Variants in PLCL2 observed in about 807,000 individuals in gnomAD.
The protein encoded by PLCL2 is phospholipase C like 2, also known as inactive phospholipase C-like protein 2.
A neutral mutation model predicts 79.6 loss-of-function variants in PLCL2; 4 were observed. The ratio of observed to expected loss-of-function variants is 0.05; its 90% CI spans 0.02 to 0.11. The LOEUF (loss-of-function observed/expected upper bound fraction) is 0.11, where lower values mean the gene tolerates loss of function less well. PLCL2 is among the 10% of genes least tolerant of loss of function. The pLI is 1.00. For missense variants in PLCL2, 895 were observed against 1,291.0 expected (o/e 0.69, Z 4.70); for synonymous variants, 484 against 457.7 (o/e 1.06, Z -0.73).
chr3:17,008,157 A>G (rs996663806), intron 1 of PLCL2, among the ~76,000 whole-genome samples: 4 of 151,980 alleles, frequency 2.6e-5, no homozygotes, highest in Admixed American at 2.0e-4. Context: ...TTAATAATCT[A>G]TTAATATTAA....
intron 1 of PLCL2, among the ~76,000 whole-genome samples, chr3:16,954,182 C>G (rs1031707797): frequency 1.3e-5 from 2 of 152,156 alleles, no homozygotes; most frequent in Admixed American, 6.5e-5. Flanking sequence ...CCCGCTCCCC[C>G]CAGCCCACAA....
At chr3:17,030,297 G>A (rs2064566930) in intron 3 of PLCL2, among the ~76,000 whole-genome samples, 2 of 152,102 alleles carry the variant, frequency 1.3e-5, no homozygotes, top group South Asian at 4.1e-4. Context: ...CTATGTACCT[G>A]TAAATAGCCT....
intron 1 of PLCL2, among the ~76,000 whole-genome samples, chr3:16,906,869 T>G (rs893993040): frequency 8.5e-5 from 13 of 152,232 alleles, no homozygotes; most frequent in African/African-American, 3.1e-4. Context: ...AACTGTTTGT[T>G]TACTCTGTGC....
intron 1 of PLCL2, among the ~76,000 whole-genome samples, chr3:16,934,157 T>C (rs748111524): frequency 6.6e-6 from 1 of 152,112 alleles, no homozygotes; most frequent in Non-Finnish European, 1.5e-5. Context: ...TCTGAAAAGG[T>C]CATGCAATGA....
At chr3:16,888,474 T>G (rs1696274375) in intron 1 of PLCL2, among the ~76,000 whole-genome samples, 1 of 152,208 alleles carries the variant, frequency 6.6e-6, no homozygotes, top group South Asian at 2.1e-4. Context: ...TACTTTTCCT[T>G]AGCTTATTGA....
intron 1 of PLCL2, among the ~76,000 whole-genome samples, chr3:16,944,483 G>T (rs2063582596): frequency 6.6e-6 from 1 of 152,114 alleles, no homozygotes; most frequent in Non-Finnish European, 1.5e-5. Context: ...CTTAGAGATA[G>T]GGCCTTTAAA....
At chr3:17,006,657 G>T (rs1455849364) in intron 1 of PLCL2, among the ~76,000 whole-genome samples, 1 of 152,198 alleles carries the variant, frequency 6.6e-6, no homozygotes, top group East Asian at 1.9e-4. Context: ...GCTAAGGGGT[G>T]TCCTTGATGT....
intron 4 of PLCL2, among the ~76,000 whole-genome samples, chr3:17,055,357 C>T (rs1356527386): frequency 6.6e-6 from 1 of 152,132 alleles, no homozygotes; most frequent in Non-Finnish European, 1.5e-5. Context: ...TTTTAATTCC[C>T]TCACTAAGGA....
At chr3:16,942,848 C>T (rs1185728268) in intron 1 of PLCL2, among the ~76,000 whole-genome samples, 1 of 152,150 alleles carries the variant, frequency 6.6e-6, no homozygotes, top group African/African-American at 2.4e-5. Context: ...CCACTTAATA[C>T]AGGAAACAAG....
Position 16,885,078 on chromosome 3 carries a change from C to G in PLCL2, c.39C>G (p.Ala13=), listed in dbSNP as rs1360199760. 2 of 399,498 alleles carry G rather than the reference C, an allele frequency of 5.0e-6. No individual in the cohort carries two copies. The highest frequency in any genetic ancestry group is 8.8e-6 in the Non-Finnish European group (2 of 226,402). 24.7% of individuals were successfully genotyped at this position (399,498 alleles called of 1,614,324 possible). A position where few individuals can be genotyped will look rare whatever the true frequency, so the allele number is the denominator to read the frequency against. Residue 13 remains alanine (A), a synonymous_variant, in exon 1 of 6, where the codon GCC becomes GCG. Coordinates refer to ENST00000615277, the MANE Select transcript of PLCL2 (RefSeq NM_001144382.2). The part of the protein sequence containing the change: ...ECGRGGAAGG[A]LPTSPGPALG... The stretch of plus-strand genomic sequence containing the variant: ...GCCGGGGGGGCGCCGCCGGCGGGGC[C>G]CTGCCCACCTCCCCGGGCCCGGCCC...
chr3:16,901,980 C>T (rs1696629953), intron 1 of PLCL2, among the ~76,000 whole-genome samples: 2 of 152,180 alleles, frequency 1.3e-5, no homozygotes, highest in African/African-American at 2.4e-5. Flanking sequence ...TGTTCCATAG[C>T]CATAGCTGCA....
intron 1 of PLCL2, among the ~76,000 whole-genome samples, chr3:16,914,614 A>T (rs1267071966): frequency 6.6e-6 from 1 of 151,876 alleles, no homozygotes; most frequent in African/African-American, 2.4e-5. Context: ...TTTGGTTTTC[A>T]TGAAGTTAAA....
At position 16,942,258 on chromosome 3, in the gene PLCL2, A is replaced by C. The variant is rs969188056; in HGVS notation, c.327+56892A>C. The stretch of plus-strand genomic sequence containing the variant: ...CCTTGTTCTCTTTTGTCAAATGTGT[A>C]TGTGCAGATTCTGCAATTACATAGG... On this transcript the variant is annotated intron_variant, in intron 1 of 5. Transcript: ENST00000615277. Among the ~76,000 whole-genome samples the C allele has an allele frequency of 2.0e-5, 3 of 152,192 alleles. No individual in the cohort carries two copies. The South Asian group carries it at 6.2e-4, about 31-fold the overall frequency.
intron 1 of PLCL2, among the ~76,000 whole-genome samples, chr3:16,935,326 G>A (rs539328567): frequency 6.6e-6 from 1 of 151,874 alleles, no homozygotes; most frequent in Non-Finnish European, 1.5e-5. Context: ...ATTTGTTGCA[G>A]GATTTCTCTC....
At chr3:16,972,126 G>A (rs2063875856) in intron 1 of PLCL2, among the ~76,000 whole-genome samples, 1 of 152,082 alleles carries the variant, frequency 6.6e-6, no homozygotes, top group Non-Finnish European at 1.5e-5. Flanking sequence ...GCACAAGACA[G>A]GGATGCCCCC....
intron 5 of PLCL2, among the ~76,000 whole-genome samples, chr3:17,085,906 G>T (rs2065215287): frequency 6.6e-6 from 1 of 152,156 alleles, no homozygotes; most frequent in African/African-American, 2.4e-5. Context: ...CTGGTGAAAG[G>T]TATCAAAGAA....
chr3:16,956,737 T>C (rs963235162), intron 1 of PLCL2, among the ~76,000 whole-genome samples: 4 of 152,230 alleles, frequency 2.6e-5, no homozygotes, highest in Non-Finnish European at 5.9e-5. Flanking sequence ...GAGATTCAAC[T>C]TCTTCCTGGT....
At chr3:17,012,622 A>G (rs79895670) in intron 2 of PLCL2, among the ~76,000 whole-genome samples, 1,640 of 152,364 alleles carry the variant, frequency 0.011, 30 homozygotes, top group Admixed American at 0.046. Context: ...AGCCATAAAT[A>G]TATGTGTATG....
chr3:17,043,054 A>G (rs757497253), intron 4 of PLCL2, 105 bp downstream of exon 4: 26 of 764,718 alleles, frequency 3.4e-5, no homozygotes, highest in Non-Finnish European at 5.7e-5. Context: ...AAATCAAATA[A>G]GAAAATTATT....
Sources: gnomAD v4.1 joint callset for allele counts (sites outside exome capture counted in the v4.1 genomes callset) on GRCh38, gnomAD v4.1.1 for gene constraint, MANE v1.5 for transcripts, NCBI Gene and HGNC (gene_info 2026-07-23, HGNC 2026-07-21) for gene names.